Variants in KCNQ1OT1 observed in about 807,000 individuals in gnomAD.
The protein encoded by KCNQ1OT1 is KCNQ1 opposite strand/antisense transcript 1, also known as KCNQ1 antisense RNA 2 (non-protein coding).
exon 1 of KCNQ1OT1, chr11:2,643,259 A>C (rs1287225918): frequency 2.5e-6 from 1 of 398,164 alleles, no homozygotes; most frequent in Non-Finnish European, 4.4e-6. Context: ...GAAATGGAGA[A>C]TTGAAGTTCC....
At chr11:2,656,785 A>G in exon 1 of KCNQ1OT1, 1 of 398,602 alleles carries the variant, frequency 2.5e-6, no homozygotes. Context: ...AAACCATCCT[A>G]ATGCTGATGT....
exon 1 of KCNQ1OT1, chr11:2,662,150 C>T (rs760306132): frequency 3.1e-6 from 5 of 1,602,224 alleles, no homozygotes; most frequent in East Asian, 2.2e-5. Context: ...AGACTTGGTG[C>T]TGGGGAAGCC....
chr11:2,688,064 T>A (rs1289500234), exon 1 of KCNQ1OT1: 1 of 398,876 alleles, frequency 2.5e-6, no homozygotes, highest in Non-Finnish European at 4.4e-6. Context: ...GCCATGGAGT[T>A]GGTGCTTCTA....
rs1849017783 is a variant in KCNQ1OT1 at position 2,613,783 on chromosome 11, A to G, written n.86212T>C. 2.5e-6 allele frequency: 1 copy of G among 398,520 alleles called. No homozygotes were observed. Among genetic ancestry groups the G allele is most frequent in the Non-Finnish European group, 4.4e-6 (1 of 226,034 alleles). 24.7% of individuals were successfully genotyped at this position (398,520 alleles called of 1,614,324 possible). A position where few individuals can be genotyped will look rare whatever the true frequency, so the allele number is the denominator to read the frequency against. On this transcript the variant is annotated non_coding_transcript_exon_variant, in exon 1 of 1. Transcript: ENST00000597346. This position sits in a 1 kb window ranked among gnomAD's most constrained non-coding sequence, Gnocchi z 4.8. ...ACTGAGAGAAATCTTCCTCTCACCCATATCTCTTCCATCCTAATTCCCCCT... is the reference window on the plus strand; with the variant it reads ...ACTGAGAGAAATCTTCCTCTCACCCGTATCTCTTCCATCCTAATTCCCCCT...
rs185880173 is a variant in KCNQ1OT1, at chr11:2,687,932, T to C, written n.12063A>G. On this transcript the variant is annotated non_coding_transcript_exon_variant, in exon 1 of 1. Coordinates refer to ENST00000597346, the Ensembl canonical transcript of KCNQ1OT1. This position sits in a 1 kb window ranked among gnomAD's most constrained non-coding sequence, Gnocchi z 5.0. ...ATCCCCAGCAGTTGTGAGGCTGCAC[T>C]TCTCCCACCCGCTGTGGGTCAGCCA... 4.9e-4 allele frequency: 194 copies of C among 398,790 alleles called. No individual in the cohort carries two copies. The East Asian group carries it at 6.3e-3, about 13-fold the overall frequency. 24.7% of individuals were successfully genotyped at this position (398,790 alleles called of 1,614,324 possible). A position where few individuals can be genotyped will look rare whatever the true frequency, so the allele number is the denominator to read the frequency against.
At position 2,676,234 on chromosome 11, in the gene KCNQ1OT1, T is replaced by C. The variant is rs937188242; in HGVS notation, n.23761A>G. ...CTGTACATACAATGCTGATTTATTATGGTGCAGTACATCTGAGAAGCATTT... is the reference window on the plus strand; with the variant it reads ...CTGTACATACAATGCTGATTTATTACGGTGCAGTACATCTGAGAAGCATTT... On this transcript the variant is annotated non_coding_transcript_exon_variant, in exon 1 of 1. Coordinates refer to ENST00000597346, the Ensembl canonical transcript of KCNQ1OT1. This position sits in a 1 kb window ranked among gnomAD's most constrained non-coding sequence, Gnocchi z 4.2. The C allele has an allele frequency of 2.5e-6, 1 of 398,562 alleles. No individual in the cohort carries two copies. The highest frequency in any genetic ancestry group is 2.1e-5 in the African/African-American group (1 of 48,650). 24.7% of individuals were successfully genotyped at this position (398,562 alleles called of 1,614,324 possible).
chr11:2,648,983 T>TTC (rs2133840193), exon 1 of KCNQ1OT1: 1 of 20,108 alleles, frequency 5.0e-5, no homozygotes, highest in Non-Finnish European at 1.0e-4. Flanking sequence ...TTCTTTTTCT[T>TTC]TTTTTTTTTT....
chr11:2,673,197 C>A lies in KCNQ1OT1; in HGVS notation n.26798G>T. The stretch of plus-strand genomic sequence containing the variant: ...GGGCCCTGGAGCCAAGGCCAAAAGC[C>A]GAACTGTGACTAGGCAAGCTGAGTC... On this transcript the variant is annotated non_coding_transcript_exon_variant, in exon 1 of 1. Coordinates refer to ENST00000597346, the Ensembl canonical transcript of KCNQ1OT1. The surrounding 1 kb of genome is among the most constrained non-coding windows in gnomAD (Gnocchi z 4.5). 2.5e-6 allele frequency: 1 copy of A among 398,658 alleles called. No homozygotes were observed. The allele number at this position is 398,658 out of a possible 1,614,324, so 24.7% of individuals were successfully genotyped here.
At position 2,691,467 on chromosome 11, in the gene KCNQ1OT1, C is replaced by T; in HGVS notation, n.8528G>A. On this transcript the variant is annotated non_coding_transcript_exon_variant, in exon 1 of 1. Coordinates refer to ENST00000597346, the Ensembl canonical transcript of KCNQ1OT1. This position sits in a 1 kb window ranked among gnomAD's most constrained non-coding sequence, Gnocchi z 6.4. The stretch of plus-strand genomic sequence containing the variant: ...ACTGAGTCTCTGATGTTGACAGCCT[C>T]TTTGTTTTTTCATCTCAGCCTATTC... 2.5e-6 allele frequency: 1 copy of T among 398,484 alleles called. No homozygotes were observed. The highest frequency in any genetic ancestry group is 4.4e-6 in the Non-Finnish European group (1 of 226,032). The allele number at this position is 398,484 out of a possible 1,614,324, so 24.7% of individuals were successfully genotyped here.
exon 1 of KCNQ1OT1, chr11:2,640,365 A>G: frequency 2.5e-6 from 1 of 398,612 alleles, no homozygotes; most frequent in South Asian, 1.3e-4. Flanking sequence ...CACTTACTGC[A>G]ATCTTTAACT....
chr11:2,632,956 A>G, exon 1 of KCNQ1OT1: 1 of 398,474 alleles, frequency 2.5e-6, no homozygotes, highest in Non-Finnish European at 4.4e-6. Flanking sequence ...GTCAAACTGT[A>G]TGATAGTCTA....
At chr11:2,637,105 A>G (rs1849484089) in exon 1 of KCNQ1OT1, 2 of 151,940 alleles carry the variant, frequency 1.3e-5, no homozygotes, top group African/African-American at 2.4e-5. Flanking sequence ...AGGCCTATCA[A>G]TTTTGTTGAT....
In KCNQ1OT1 at chr11:2,659,261, A is replaced by G. The variant is rs1298048141; in HGVS notation, n.40734T>C. On this transcript the variant is annotated non_coding_transcript_exon_variant, in exon 1 of 1. Coordinates refer to ENST00000597346, the Ensembl canonical transcript of KCNQ1OT1. The surrounding 1 kb of genome is among the most constrained non-coding windows in gnomAD (Gnocchi z 4.3). ...CCCTGGGGTGAGTCTTTTGAAGTCA[A>G]GTACTTCTCCCCTAACCACTGGCAG... The G allele has an allele frequency of 7.5e-6, 3 of 398,512 alleles. No individual in the cohort carries two copies. The highest frequency in any genetic ancestry group is 6.2e-5 in the African/African-American group (3 of 48,640). 24.7% of individuals were successfully genotyped at this position (398,512 alleles called of 1,614,324 possible). A position where few individuals can be genotyped will look rare whatever the true frequency, so the allele number is the denominator to read the frequency against.
Position 2,695,699 on chromosome 11 carries a change from T to C in KCNQ1OT1, n.4296A>G. ...GTTGGCCAGCTCTTCAGAACGTCTG[T>C]GCCTGTCTCCGTCCCCACCTGCAGC... On this transcript the variant is annotated non_coding_transcript_exon_variant, in exon 1 of 1. Coordinates refer to ENST00000597346, the Ensembl canonical transcript of KCNQ1OT1. This position sits in a 1 kb window ranked among gnomAD's most constrained non-coding sequence, Gnocchi z 5.2. 1 of 398,660 alleles carries C rather than the reference T, an allele frequency of 2.5e-6. No homozygotes were observed. The highest frequency in any genetic ancestry group is 4.4e-6 in the Non-Finnish European group (1 of 226,086). 24.7% of individuals were successfully genotyped at this position (398,660 alleles called of 1,614,324 possible). A position where few individuals can be genotyped will look rare whatever the true frequency, so the allele number is the denominator to read the frequency against.
At chr11:2,650,376 C>A (rs982579730) in exon 1 of KCNQ1OT1, 10 of 398,458 alleles carry the variant, frequency 2.5e-5, no homozygotes, top group Non-Finnish European at 4.0e-5. Flanking sequence ...TCTGGAATAA[C>A]AGAGACTTCC....
exon 1 of KCNQ1OT1, chr11:2,656,199 A>T: frequency 2.5e-6 from 1 of 398,590 alleles, no homozygotes; most frequent in Non-Finnish European, 4.4e-6. Context: ...CTTTAAAAAA[A>T]ATTGAATCCT....
In KCNQ1OT1 at chr11:2,613,875, G is replaced by T. The variant is rs1345355830; in HGVS notation, n.86120C>A. The T allele has an allele frequency of 2.5e-6, 1 of 398,326 alleles. No homozygotes were observed. Among genetic ancestry groups the T allele is most frequent in the Admixed American group, 4.4e-5 (1 of 22,694 alleles). 24.7% of individuals were successfully genotyped at this position (398,326 alleles called of 1,614,324 possible). ...GTTTGTGTGTGTTTGCTCTTTATAA[G>T]ACATGATTATTTTCTCATTTCCCAA... On this transcript the variant is annotated non_coding_transcript_exon_variant, in exon 1 of 1. Coordinates refer to ENST00000597346, the Ensembl canonical transcript of KCNQ1OT1. This position sits in a 1 kb window ranked among gnomAD's most constrained non-coding sequence, Gnocchi z 4.8.
At position 2,657,289 on chromosome 11, in the gene KCNQ1OT1, T is replaced by C. The variant is rs1849866893; in HGVS notation, n.42706A>G. ...AGATTTTTATTAAGATTTGGAGAGA[T>C]TTATTCAGATTTTGAGATAATCTTT... On this transcript the variant is annotated non_coding_transcript_exon_variant, in exon 1 of 1. Transcript: ENST00000597346. This position sits in a 1 kb window ranked among gnomAD's most constrained non-coding sequence, Gnocchi z 4.8. 2.5e-6 allele frequency: 1 copy of C among 398,500 alleles called. No homozygotes were observed. Among genetic ancestry groups the C allele is most frequent in the Non-Finnish European group, 4.4e-6 (1 of 226,062 alleles). 24.7% of individuals were successfully genotyped at this position (398,500 alleles called of 1,614,324 possible).
At chr11:2,696,692 T>C (rs1358111819) in exon 1 of KCNQ1OT1, 2 of 398,466 alleles carry the variant, frequency 5.0e-6, no homozygotes, top group African/African-American at 4.1e-5. Context: ...TTCAAGAAAA[T>C]AAAATGTCTC....
Sources: allele counts gnomAD v4.1 joint callset, GRCh38; gene constraint gnomAD v4.1.1; non-coding constraint Gnocchi (gnomAD v3.1); transcripts MANE v1.5; gene names NCBI Gene and HGNC (gene_info 2026-07-23, HGNC 2026-07-21).